CFAP77: variants seen among roughly 807,000 people sequenced by gnomAD.
CFAP77 encodes cilia and flagella associated protein 77.
Under a neutral mutation model 31.1 loss-of-function variants are expected in CFAP77, and 25 were observed. The observed-to-expected ratio is 0.80, with a 90% CI of 0.59 to 1.12. The LOEUF is 1.12. Ranked by LOEUF, CFAP77 falls within the 50% of genes most tolerant of loss-of-function variation. The pLI is 0.00. For missense variants in CFAP77, 377 were observed against 397.3 expected (o/e 0.95, Z 0.44); for synonymous variants, 151 against 159.9 (o/e 0.94, Z 0.42).
chr9:132,549,310 T>C (rs1440194352), intron 5 of CFAP77, among the ~76,000 whole-genome samples: 1 of 152,242 alleles, frequency 6.6e-6, no homozygotes, highest in African/African-American at 2.4e-5. Context: ...CAAGGGTCTC[T>C]GCACCAGTGA....
intron 1 of CFAP77, among the ~76,000 whole-genome samples, chr9:132,494,556 C>G (rs1436774965): frequency 2.6e-5 from 4 of 152,218 alleles, no homozygotes; most frequent in Non-Finnish European, 5.9e-5. Context: ...CATCCTTAGA[C>G]ATGTTCTTGG....
chr9:132,519,821 TGGATGGATG>T (rs1286895286), intron 3 of CFAP77, among the ~76,000 whole-genome samples: 87 of 29,030 alleles, frequency 3.0e-3, no homozygotes, highest in Non-Finnish European at 3.9e-3. Context: ...GGTGGATGGA[TGGATGGATG>T]GATGGATGGA....
At position 132,517,300 on chromosome 9, in the gene CFAP77, T is replaced by C. The variant is rs1261130900; in HGVS notation, c.524+17700T>C. Among the ~76,000 whole-genome samples the C allele has an allele frequency of 1.3e-5, 2 of 152,192 alleles. No individual in the cohort carries two copies. Among genetic ancestry groups the C allele is most frequent in the Non-Finnish European group, 2.9e-5 (2 of 68,028 alleles). On this transcript the variant is annotated intron_variant, in intron 3 of 5. Transcript: ENST00000393216. This position sits in a 1 kb window ranked among gnomAD's most constrained non-coding sequence, Gnocchi z 4.7. ...CCCCGGGAGCAGCAGACTGCTGGCA[T>C]ATTAGAGATGGATTTTAATTTTATT...
At chr9:132,487,528 C>T (rs1438049782) in intron 1 of CFAP77, among the ~76,000 whole-genome samples, 2 of 152,070 alleles carry the variant, frequency 1.3e-5, no homozygotes, top group Admixed American at 1.3e-4. Context: ...TATAACCACA[C>T]ATCCTCACAC....
chr9:132,569,788 T>G (rs1056901422), intron 5 of CFAP77, among the ~76,000 whole-genome samples: 3 of 141,710 alleles, frequency 2.1e-5, no homozygotes, highest in African/African-American at 5.4e-5. Flanking sequence ...CAGGCTGGAG[T>G]GCAGTGGCAC....
intron 3 of CFAP77, among the ~76,000 whole-genome samples, chr9:132,510,460 G>A (rs1438632834): frequency 2.0e-5 from 3 of 152,312 alleles, no homozygotes; most frequent in Non-Finnish European, 4.4e-5. Flanking sequence ...AGCTCTTTCC[G>A]GGACACGGAG....
chr9:132,433,012 C>G (rs560265166), intron 1 of CFAP77, among the ~76,000 whole-genome samples: 5 of 151,576 alleles, frequency 3.3e-5, no homozygotes, highest in Non-Finnish European at 7.4e-5. Flanking sequence ...CCAAGCCCGG[C>G]CAATTTTCGT....
intron 4 of CFAP77, among the ~76,000 whole-genome samples, chr9:132,542,186 C>G (rs1241102751): frequency 6.6e-6 from 1 of 152,210 alleles, no homozygotes; most frequent in Non-Finnish European, 1.5e-5. Flanking sequence ...CTGCCCTGAG[C>G]CAGGTCTGTG....
intron 1 of CFAP77, among the ~76,000 whole-genome samples, chr9:132,438,825 G>A (rs1164268695): frequency 5.4e-5 from 8 of 149,206 alleles, no homozygotes; most frequent in Non-Finnish European, 1.2e-4. Context: ...GTGAGCCACC[G>A]CACCTGACCG....
Position 132,497,389 on chromosome 9 carries a change from C to T in CFAP77, c.196-1306C>T, listed in dbSNP as rs565526807. Among the ~76,000 whole-genome samples the T allele has an allele frequency of 6.6e-5, 10 of 152,356 alleles. No individual in the cohort carries two copies. Among genetic ancestry groups the T allele is most frequent in the South Asian group, 2.1e-4 (1 of 4,824 alleles). On this transcript the variant is annotated intron_variant, in intron 1 of 5. Coordinates refer to ENST00000393216, the MANE Select transcript of CFAP77 (RefSeq NM_001282957.2). This position sits in a 1 kb window ranked among gnomAD's most constrained non-coding sequence, Gnocchi z 4.9. ...ACCAGACCCTCTGGACAGTCTTTGGCGCAGCCAGAGTGGAGAGATCCCGGG... is the reference window on the plus strand; with the variant it reads ...ACCAGACCCTCTGGACAGTCTTTGGTGCAGCCAGAGTGGAGAGATCCCGGG...
rs1180755785 is a variant in CFAP77, at chr9:132,490,378, T to C, written c.196-8317T>C. 6.6e-6 allele frequency among the ~76,000 whole-genome samples: 1 copy of C among 152,208 alleles called. No individual in the cohort carries two copies. The highest frequency in any genetic ancestry group is 1.5e-5 in the Non-Finnish European group (1 of 68,032). ...TGTTTTGATGGCAGCTGAACTCAGA[T>C]GTCTGTCACAACCTGCTTGCCTGTG... On this transcript the variant is annotated intron_variant, in intron 1 of 5. Coordinates refer to ENST00000393216, the MANE Select transcript of CFAP77 (RefSeq NM_001282957.2). This position sits in a 1 kb window ranked among gnomAD's most constrained non-coding sequence, Gnocchi z 4.6.
intron 3 of CFAP77, among the ~76,000 whole-genome samples, chr9:132,503,184 G>A (rs1016130452): frequency 4.6e-5 from 7 of 152,174 alleles, no homozygotes; most frequent in Non-Finnish European, 1.5e-5. Context: ...CTGTACCTTT[G>A]AAATCATCCC....
intron 3 of CFAP77, among the ~76,000 whole-genome samples, chr9:132,529,677 T>C (rs1184305415): frequency 2.6e-5 from 4 of 151,472 alleles, no homozygotes; most frequent in Non-Finnish European, 5.9e-5. Context: ...ATGCAAAATA[T>C]TAGCTGGGCG....
rs555211930 is a variant in CFAP77 at position 132,424,296 on chromosome 9, G to T, written c.195+13830G>T. 2.4e-4 allele frequency among the ~76,000 whole-genome samples: 37 copies of T among 152,294 alleles called. No individual in the cohort carries two copies. Among genetic ancestry groups the T allele is most frequent in the African/African-American group, 8.7e-4 (36 of 41,540 alleles). On this transcript the variant is annotated intron_variant, in intron 1 of 5. Transcript: ENST00000393216. This position sits in a 1 kb window ranked among gnomAD's most constrained non-coding sequence, Gnocchi z 4.1. ...GGGTGCCTGTAGTCCCAGCTACTCA[G>T]GAGGCTGAGGCAGGAGAATCACTTG...
intron 1 of CFAP77, among the ~76,000 whole-genome samples, chr9:132,426,836 C>A (rs1850325891): frequency 6.6e-6 from 1 of 152,192 alleles, no homozygotes; most frequent in African/African-American, 2.4e-5. Context: ...AATTAAAACT[C>A]CATTAGGCAT....
intron 3 of CFAP77, among the ~76,000 whole-genome samples, chr9:132,529,642 C>G (rs1401540173): frequency 1.3e-5 from 2 of 151,514 alleles, no homozygotes; most frequent in South Asian, 4.2e-4. Context: ...CTGGCTAACA[C>G]GGTGAAACCC....
intron 5 of CFAP77, among the ~76,000 whole-genome samples, chr9:132,571,677 GA>G (rs1829961243): frequency 6.6e-6 from 1 of 152,218 alleles, no homozygotes; most frequent in Non-Finnish European, 1.5e-5. Flanking sequence ...TCCCAAAGGA[GA>G]AATGCTGAGG....
rs1852028774 is a variant in CFAP77, at chr9:132,511,055, C to A, written c.524+11455C>A. 1.3e-5 allele frequency among the ~76,000 whole-genome samples: 2 copies of A among 152,116 alleles called. No individual in the cohort carries two copies. The highest frequency in any genetic ancestry group is 2.9e-5 in the Non-Finnish European group (2 of 68,018). The stretch of plus-strand genomic sequence containing the variant: ...CTATGCTGAGAGTTCATTTAGTGCC[C>A]ACCTGTGCTGGGCATTGTGGTGCTG... On this transcript the variant is annotated intron_variant, in intron 3 of 5. Transcript: ENST00000393216. The surrounding 1 kb of genome is among the most constrained non-coding windows in gnomAD (Gnocchi z 5.8).
intron 1 of CFAP77, among the ~76,000 whole-genome samples, chr9:132,415,266 G>A (rs4962065): frequency 0.83 from 125,578 of 152,158 alleles, 52,648 homozygotes; most frequent in Middle Eastern, 0.95. Context: ...TCTCTCCCTC[G>A]TGGCCCTTTT....
Sources: gnomAD v4.1 joint callset for allele counts (sites outside exome capture counted in the v4.1 genomes callset) on GRCh38, gnomAD v4.1.1 for gene constraint, Gnocchi (gnomAD v3.1) non-coding constraint, MANE v1.5 for transcripts, NCBI Gene and HGNC (gene_info 2026-07-23, HGNC 2026-07-21) for gene names.